The following CDH13 variants were observed in gnomAD, a reference collection of about 807,000 sequenced individuals.
CDH13 encodes cadherin-13.
A neutral mutation model predicts 63.8 loss-of-function variants in CDH13; 24 were observed. That is an observed-to-expected ratio of 0.38 (90% CI 0.27 to 0.53). The LOEUF (loss-of-function observed/expected upper bound fraction) is 0.53. Ranked by LOEUF, CDH13 falls within the 20% of genes least tolerant of loss-of-function variation. CDH13 has a pLI of 0.85. For missense variants in CDH13, 1,049 were observed against 903.1 expected, an observed-to-expected ratio of 1.16 and a Z score of -2.07; for synonymous variants, 503 against 355.3, an observed-to-expected ratio of 1.42 and a Z score of -4.67.
At chr16:83,309,854 T>C (rs2089962745) in intron 5 of CDH13, among the ~76,000 whole-genome samples, 2 of 152,118 alleles carry the variant, frequency 1.3e-5, no homozygotes, top group Non-Finnish European at 1.5e-5. Flanking sequence ...CAGAAGTCCT[T>C]CCAGACAAAT....
rs965883151 is a variant in CDH13 at position 83,075,797 on chromosome 16, T to C, written c.366+43579T>C. The stretch of plus-strand genomic sequence containing the variant: ...TTCCCTGTGCTTCTGGTGAAGCTTA[T>C]GGATTCATGAGTTAGCTCTGCAAAT... On this transcript the variant is annotated intron_variant, in intron 3 of 13. Coordinates refer to ENST00000567109, the MANE Select transcript of CDH13 (RefSeq NM_001257.5). Among the ~76,000 whole-genome samples, 10 of 152,228 alleles carry C rather than the reference T, an allele frequency of 6.6e-5. No homozygotes were observed. In the East Asian group the frequency reaches 7.7e-4, roughly 12 times the overall value.
At chr16:83,152,271 C>T (rs58542073) in intron 4 of CDH13, among the ~76,000 whole-genome samples, 17 of 152,228 alleles carry the variant, frequency 1.1e-4, no homozygotes, top group Admixed American at 3.9e-4. Flanking sequence ...AAATGATCCA[C>T]GACAAGGAAG....
intron 2 of CDH13, among the ~76,000 whole-genome samples, chr16:82,943,541 T>G (rs2151312226): frequency 6.6e-6 from 1 of 152,324 alleles, no homozygotes; most frequent in East Asian, 1.9e-4. Context: ...GGCCCTTTCT[T>G]CCTTCCATAA....
At chr16:83,543,674 G>T (rs909942046) in intron 7 of CDH13, among the ~76,000 whole-genome samples, 9 of 152,152 alleles carry the variant, frequency 5.9e-5, no homozygotes, top group African/African-American at 2.2e-4. Flanking sequence ...GACATGTTTT[G>T]GTTGTCTGTC....
intron 4 of CDH13, among the ~76,000 whole-genome samples, chr16:83,176,096 T>C (rs1223162398): frequency 6.6e-6 from 1 of 150,584 alleles, no homozygotes; most frequent in Non-Finnish European, 1.5e-5. Context: ...GTCATCCACT[T>C]GCCTCGGTCT....
At chr16:83,212,275 A>C (rs903381055) in intron 4 of CDH13, among the ~76,000 whole-genome samples, 2 of 152,076 alleles carry the variant, frequency 1.3e-5, no homozygotes, top group East Asian at 3.9e-4. Context: ...CCAGTTCGTG[A>C]AGTTGGAATA....
chr16:82,794,801 T>G (rs1027917363), intron 1 of CDH13, among the ~76,000 whole-genome samples: 1 of 152,204 alleles, frequency 6.6e-6, no homozygotes, highest in African/African-American at 2.4e-5. Context: ...TAAACCAGTT[T>G]TTCCTACTTT....
intron 1 of CDH13, among the ~76,000 whole-genome samples, chr16:82,802,797 C>T (rs2046619327): frequency 2.0e-5 from 3 of 152,176 alleles, no homozygotes; most frequent in African/African-American, 7.2e-5. Flanking sequence ...TTCAAGCTGC[C>T]AGGAAAGTGC....
chr16:83,050,013 C>T (rs537584221), intron 3 of CDH13, among the ~76,000 whole-genome samples: 4 of 152,258 alleles, frequency 2.6e-5, no homozygotes, highest in South Asian at 4.2e-4. Flanking sequence ...ACGTTGTATA[C>T]TTGCAAGATT....
At chr16:83,205,971 G>T (rs941413912) in intron 4 of CDH13, among the ~76,000 whole-genome samples, 1 of 152,120 alleles carries the variant, frequency 6.6e-6, no homozygotes, top group African/African-American at 2.4e-5. Flanking sequence ...TGTCAGTGTA[G>T]GTTGGGATAT....
chr16:83,373,435 T>C (rs947468682), intron 6 of CDH13, among the ~76,000 whole-genome samples: 5 of 152,086 alleles, frequency 3.3e-5, no homozygotes, highest in Non-Finnish European at 4.4e-5. Context: ...CCCTTCTGGA[T>C]AGCATGAGAA....
chr16:83,048,107 G>T (rs139461063), intron 3 of CDH13, among the ~76,000 whole-genome samples: 1 of 152,136 alleles, frequency 6.6e-6, no homozygotes, highest in East Asian at 1.9e-4. Flanking sequence ...AATCTGTGTC[G>T]TCCTGGAGAA....
At chr16:83,491,937 T>A (rs2074023439) in intron 7 of CDH13, among the ~76,000 whole-genome samples, 1 of 152,214 alleles carries the variant, frequency 6.6e-6, no homozygotes, top group Admixed American at 6.5e-5. Context: ...ACATAAGGAC[T>A]TAGTCTTAGA....
intron 6 of CDH13, among the ~76,000 whole-genome samples, chr16:83,407,608 A>C (rs2092066817): frequency 6.6e-6 from 1 of 152,220 alleles, no homozygotes; most frequent in African/African-American, 2.4e-5. Flanking sequence ...TTTCTTTCAA[A>C]TATACCTAAA....
At chr16:82,961,366 C>T (rs9889190) in intron 2 of CDH13, among the ~76,000 whole-genome samples, 8,866 of 152,068 alleles carry the variant, frequency 0.058, 804 homozygotes, top group African/African-American at 0.19. Context: ...GAAATGGAGA[C>T]GAGAGAGGAA....
intron 1 of CDH13, among the ~76,000 whole-genome samples, chr16:82,813,155 A>G (rs1415411164): frequency 6.6e-6 from 1 of 152,192 alleles, no homozygotes; most frequent in Non-Finnish European, 1.5e-5. Flanking sequence ...TCAGGTGTTC[A>G]GTTGATGTTT....
chr16:83,660,934 A>G (rs1913386613), intron 8 of CDH13, among the ~76,000 whole-genome samples: 1 of 152,248 alleles, frequency 6.6e-6, no homozygotes, highest in Admixed American at 6.5e-5. Flanking sequence ...TTGAAGAAAA[A>G]AAAATGTAGG....
chr16:83,031,793 G>C (rs1175680167), intron 2 of CDH13, among the ~76,000 whole-genome samples: 1 of 152,134 alleles, frequency 6.6e-6, no homozygotes, highest in East Asian at 1.9e-4. Flanking sequence ...CACCTGCCTG[G>C]AACATGCGAG....
intron 4 of CDH13, among the ~76,000 whole-genome samples, chr16:83,163,987 A>G (rs1405504378): frequency 1.3e-5 from 2 of 152,076 alleles, no homozygotes; most frequent in South Asian, 2.1e-4. Flanking sequence ...TAGACTAAGC[A>G]TTTTGCAAAC....
Sources: gnomAD v4.1 joint callset for allele counts (sites outside exome capture counted in the v4.1 genomes callset) on GRCh38, gnomAD v4.1.1 for gene constraint, MANE v1.5 for transcripts, NCBI Gene and HGNC (gene_info 2026-07-23, HGNC 2026-07-21) for gene names.